TCHP: variants seen among roughly 807,000 people sequenced by gnomAD.
TCHP encodes the protein trichoplein keratin filament binding.
TCHP carries 81 observed loss-of-function variants against 88.7 expected under a neutral mutation model. The observed-to-expected ratio is 0.91, with a 90% CI of 0.76 to 1.10. TCHP has a LOEUF of 1.10. Among genes scored for constraint, TCHP ranks in the 50% least tolerant of loss-of-function variants. The probability of loss-of-function intolerance (pLI) is 0.00; values close to 1 mark genes in which losing one functional copy is unlikely to be tolerated. For missense variants in TCHP, 641 were observed against 632.1 expected (o/e 1.01, Z -0.15); for synonymous variants, 232 against 232.5 (o/e 1.00, Z 0.02).
At chr12:109,893,256 G>C in the TCHP span, among the ~76,000 whole-genome samples, 10 of 152,146 alleles carry the variant, frequency 6.6e-5, no homozygotes, top group East Asian at 1.2e-3. Flanking sequence ...GTGCATGCCT[G>C]TAATCCCAGC....
At chr12:109,911,290 T>C in intron 9 of TCHP, 55 bp downstream of exon 9, 1 of 970,918 alleles carries the variant, frequency 1.0e-6, no homozygotes, top group Non-Finnish European at 1.5e-6. Flanking sequence ...TCTGATACCT[T>C]GAAATGCCCC....
At position 109,903,833 on chromosome 12, in the gene TCHP, C is replaced by T. The variant is rs938266539; in HGVS notation, c.189-104C>T. 4.2e-5 allele frequency: 37 copies of T among 883,000 alleles called. No homozygotes were observed. Among genetic ancestry groups the T allele is most frequent in the Non-Finnish European group, 6.4e-5 (35 of 549,038 alleles). The allele number at this position is 883,000 out of a possible 1,614,324, so 54.7% of individuals were successfully genotyped here. The stretch of plus-strand genomic sequence containing the variant: ...TTTGGCTGGGGACACATTCCTGTGT[C>T]GTCATGACACATCTACCTCAGCCTC... On this transcript the variant is annotated intron_variant, in intron 2 of 12. Coordinates refer to ENST00000405876, the MANE Select transcript of TCHP (RefSeq NM_001143852.2). This position sits in a 1 kb window ranked among gnomAD's most constrained non-coding sequence, Gnocchi z 4.6.
intron 3 of TCHP, 42 bp downstream of exon 3, chr12:109,904,189 G>C: frequency 6.5e-7 from 1 of 1,527,676 alleles, no homozygotes; most frequent in Non-Finnish European, 8.9e-7. Context: ...GAGCAGGAGT[G>C]TTCCCAGCCT....
Position 109,914,625 on chromosome 12 carries a change from C to G in TCHP, c.1318C>G (p.Gln440Glu). ...KSARKQELEA[Q>E]VAERRLQAWE... ...GGCCAGGAAGCAGGAGCTGGAAGCC[C>G]AGGTAGGGCTGAGCCCAAGGGCGGG... Residue 440 changes from glutamine (Q) to glutamate (E), a missense_variant and splice_region_variant, in exon 11 of 13, where the codon CAG (glutamine) becomes GAG (glutamate). By Grantham distance (29) the Gln-to-Glu change is conservative. Transcript: ENST00000405876. 6.2e-7 allele frequency: 1 copy of G among 1,610,286 alleles called. No individual in the cohort carries two copies. The highest frequency in any genetic ancestry group is 8.5e-7 in the Non-Finnish European group (1 of 1,179,156).
chr12:109,891,390 CTT>C, the TCHP span, among the ~76,000 whole-genome samples: 32 of 139,424 alleles, frequency 2.3e-4, no homozygotes, highest in Non-Finnish European at 2.0e-4. Context: ...TTAATATTTC[CTT>C]TTTTTTTTTT....
At chr12:109,889,077 CCAGGACT>C in the TCHP span, among the ~76,000 whole-genome samples, 1 of 151,220 alleles carries the variant, frequency 6.6e-6, no homozygotes, top group East Asian at 1.9e-4. Flanking sequence ...ACCTGTAATC[CCAGGACT>C]TTCGGAGGAT....
the TCHP span, among the ~76,000 whole-genome samples, chr12:109,882,409 G>C: frequency 7.0e-6 from 1 of 143,128 alleles, no homozygotes; most frequent in East Asian, 2.1e-4. Flanking sequence ...ACTCCAGCCA[G>C]AGCGAGCGAG....
At chr12:109,902,616 G>A (rs1266957207) in intron 1 of TCHP, among the ~76,000 whole-genome samples, 1 of 152,208 alleles carries the variant, frequency 6.6e-6, no homozygotes, top group African/African-American at 2.4e-5. Flanking sequence ...TGGGATTACA[G>A]ACGCCCACCA....
the TCHP span, among the ~76,000 whole-genome samples, chr12:109,895,205 CTTTTTTTTT>C: frequency 7.7e-6 from 1 of 130,238 alleles, no homozygotes; most frequent in Admixed American, 7.8e-5. Flanking sequence ...TCAAGAATTA[CTTTTTTTTT>C]TTTTTTTTTT....
chr12:109,907,807 C>A, intron 6 of TCHP, 108 bp downstream of exon 6: 2 of 1,271,674 alleles, frequency 1.6e-6, no homozygotes, highest in Non-Finnish European at 2.2e-6. Context: ...GGCTGAGATT[C>A]TGCAAAGGGC....
rs759766803 is a variant in TCHP, at chr12:109,903,562, C to T, written c.188+348C>T. On this transcript the variant is annotated intron_variant, in intron 2 of 12. Transcript: ENST00000405876. The surrounding 1 kb of genome is among the most constrained non-coding windows in gnomAD (Gnocchi z 4.6). Reference sequence around the variant, plus strand: ...ACACAAAGCTACTTTTATAGAAATACGTGTAAAAACATGGAGGCCAAAAGC... The same window carrying T: ...ACACAAAGCTACTTTTATAGAAATATGTGTAAAAACATGGAGGCCAAAAGC... 1.9e-4 allele frequency among the ~76,000 whole-genome samples: 29 copies of T among 152,192 alleles called. No individual in the cohort carries two copies. The highest frequency in any genetic ancestry group is 6.0e-4 in the African/African-American group (25 of 41,510).
intron 7 of TCHP, 34 bp from the exon 8 acceptor site, chr12:109,908,837 T>C: frequency 4.3e-6 from 7 of 1,611,628 alleles, no homozygotes; most frequent in Non-Finnish European, 5.9e-6. Flanking sequence ...CTTTCTGAGA[T>C]ACTGAAGGCA....
At chr12:109,910,025 G>C (rs1870395290) in intron 8 of TCHP, among the ~76,000 whole-genome samples, 2 of 152,128 alleles carry the variant, frequency 1.3e-5, no homozygotes, top group African/African-American at 2.4e-5. Flanking sequence ...TGTAATCCCA[G>C]ATACTCGGGG....
Position 109,916,700 on chromosome 12 carries a change from C to G in TCHP, c.*77C>G. 4 of 1,473,512 alleles carry G rather than the reference C, an allele frequency of 2.7e-6. No individual in the cohort carries two copies. The highest frequency in any genetic ancestry group is 3.7e-6 in the Non-Finnish European group (4 of 1,067,524). The allele number at this position is 1,473,512 out of a possible 1,614,324, so 91.3% of individuals were successfully genotyped here. Reference sequence around the variant, plus strand: ...CCAGCCGCCAGGCAGTTTTACAGGGCTCTGTTAACAGTAAGTGCCCGGGGC... The same window carrying G: ...CCAGCCGCCAGGCAGTTTTACAGGGGTCTGTTAACAGTAAGTGCCCGGGGC... On this transcript the variant is annotated 3_prime_UTR_variant, in exon 13 of 13. Coordinates refer to ENST00000405876, the MANE Select transcript of TCHP (RefSeq NM_001143852.2).
At chr12:109,889,512 C>T in the TCHP span, among the ~76,000 whole-genome samples, 1 of 151,938 alleles carries the variant, frequency 6.6e-6, no homozygotes, top group African/African-American at 2.4e-5. Context: ...TTGCCTCTTC[C>T]AGCCTCTGGT....
chr12:109,912,472 G>T (rs913039340), intron 9 of TCHP, among the ~76,000 whole-genome samples: 1 of 152,180 alleles, frequency 6.6e-6, no homozygotes, highest in African/African-American at 2.4e-5. Flanking sequence ...ATAAGGAGAT[G>T]GGGTATTAAA....
chr12:109,916,090 G>C (rs752135031), intron 12 of TCHP, among the ~76,000 whole-genome samples: 3 of 152,222 alleles, frequency 2.0e-5, no homozygotes, highest in Non-Finnish European at 4.4e-5. Flanking sequence ...TGAGGAAGCT[G>C]ATGACTGAAG....
chr12:109,894,637 T>C, the TCHP span, among the ~76,000 whole-genome samples: 1 of 150,948 alleles, frequency 6.6e-6, no homozygotes, highest in African/African-American at 2.4e-5. Flanking sequence ...TAGTGGCGCA[T>C]GTATGTAATC....
At chr12:109,894,056 T>A in the TCHP span, among the ~76,000 whole-genome samples, 31 of 151,766 alleles carry the variant, frequency 2.0e-4, no homozygotes, top group Non-Finnish European at 3.4e-4. Flanking sequence ...TGGTGGCAGG[T>A]GCCTATAATC....
Sources: gnomAD v4.1 joint callset for allele counts (sites outside exome capture counted in the v4.1 genomes callset) on GRCh38, gnomAD v4.1.1 for gene constraint, Gnocchi (gnomAD v3.1) non-coding constraint, MANE v1.5 for transcripts, NCBI Gene and HGNC (gene_info 2026-07-23, HGNC 2026-07-21) for gene names.